GNA14: variants seen among roughly 807,000 people sequenced by gnomAD.
GNA14 encodes the protein guanine nucleotide-binding protein subunit alpha-14.
In GNA14, 50 loss-of-function variants were observed where a neutral mutation model predicts 42.0. The observed-to-expected ratio is 1.19, with a 90% CI of 0.95 to 1.51. GNA14 has a LOEUF of 1.51. Ranked by LOEUF, GNA14 falls within the 40% of genes most tolerant of loss-of-function variation. The probability of loss-of-function intolerance (pLI) is 0.00; values close to 1 mark genes in which losing one functional copy is unlikely to be tolerated. For synonymous variants in GNA14, 173 were observed against 163.1 expected (o/e 1.06, Z -0.46); for missense variants, 473 against 446.2 (o/e 1.06, Z -0.54).
chr9:77,607,617 A>G (rs1450282926), intron 1 of GNA14, among the ~76,000 whole-genome samples: 1 of 152,200 alleles, frequency 6.6e-6, no homozygotes, highest in Non-Finnish European at 1.5e-5. Context: ...TAAGTGCTGA[A>G]TGTCTTTTCA....
At chr9:77,482,689 C>T (rs542109338) in intron 2 of GNA14, among the ~76,000 whole-genome samples, 5 of 152,216 alleles carry the variant, frequency 3.3e-5, no homozygotes, top group Non-Finnish European at 7.3e-5. Context: ...CTTTCAGGTA[C>T]ACCAATCAGA....
At chr9:77,604,237 A>G (rs1823615125) in intron 1 of GNA14, among the ~76,000 whole-genome samples, 1 of 152,104 alleles carries the variant, frequency 6.6e-6, no homozygotes, top group East Asian at 1.9e-4. Context: ...TACACCCAAA[A>G]CCACAGCCAA....
At chr9:77,611,788 C>A (rs1170387240) in intron 1 of GNA14, among the ~76,000 whole-genome samples, 3 of 152,076 alleles carry the variant, frequency 2.0e-5, no homozygotes, top group South Asian at 2.1e-4. Flanking sequence ...CCCACCATAC[C>A]CTGATGCTGA....
At chr9:77,583,912 A>C (rs991620791) in intron 1 of GNA14, among the ~76,000 whole-genome samples, 3 of 152,148 alleles carry the variant, frequency 2.0e-5, no homozygotes, top group African/African-American at 7.2e-5. Context: ...AAAAGATGTC[A>C]CCCAAGGGAC....
chr9:77,475,914 C>G (rs936471450), intron 2 of GNA14, among the ~76,000 whole-genome samples: 2 of 152,114 alleles, frequency 1.3e-5, no homozygotes, highest in South Asian at 4.1e-4. Flanking sequence ...GCATGGTGGG[C>G]ATATCCCCTT....
chr9:77,571,566 C>G (rs1422736780), intron 1 of GNA14, among the ~76,000 whole-genome samples: 1 of 151,902 alleles, frequency 6.6e-6, no homozygotes, highest in East Asian at 1.9e-4. Flanking sequence ...TTTGGGAAGC[C>G]GAGGCGGGCA....
chr9:77,555,053 T>C (rs1822750120), intron 1 of GNA14, among the ~76,000 whole-genome samples: 2 of 152,138 alleles, frequency 1.3e-5, no homozygotes, highest in Admixed American at 1.3e-4. Flanking sequence ...AATGAAAATA[T>C]GCACATTTTA....
In GNA14 at chr9:77,423,637, G is replaced by C. The variant is rs1464319667; in HGVS notation, c.*342C>G. 2 of 157,936 alleles carry C rather than the reference G, an allele frequency of 1.3e-5. No individual in the cohort carries two copies. Among genetic ancestry groups the C allele is most frequent in the East Asian group, 3.6e-4 (2 of 5,532 alleles). The allele number at this position is 157,936 out of a possible 1,614,324, so 9.8% of individuals were successfully genotyped here. ...TGATCTATAAACTAACAGGCTCCTTGCTTACATAATTTTAATCGCTATTTT... is the reference window on the plus strand; with the variant it reads ...TGATCTATAAACTAACAGGCTCCTTCCTTACATAATTTTAATCGCTATTTT... On this transcript the variant is annotated 3_prime_UTR_variant, in exon 7 of 7. Transcript: ENST00000341700.
chr9:77,524,435 AAGAAAC>A (rs904478647), intron 2 of GNA14, among the ~76,000 whole-genome samples: 12 of 152,208 alleles, frequency 7.9e-5, no homozygotes, highest in African/African-American at 2.9e-4. Flanking sequence ...CCAGCTCTGA[AAGAAAC>A]AGAAACAAAC....
At chr9:77,621,212 G>A (rs1341437527) in intron 1 of GNA14, among the ~76,000 whole-genome samples, 1 of 152,146 alleles carries the variant, frequency 6.6e-6, no homozygotes, top group African/African-American at 2.4e-5. Context: ...GTGATTACAG[G>A]TGCGAGTCAC....
chr9:77,608,732 G>GTTTTTTTTTTTTTTT (rs111701182), intron 1 of GNA14, among the ~76,000 whole-genome samples: 1 of 121,164 alleles, frequency 8.3e-6, no homozygotes, highest in Admixed American at 8.6e-5. Flanking sequence ...CCAATATCCT[G>GTTTTTTTTTTTTTTT]TTTTTTTTTT....
intron 1 of GNA14, among the ~76,000 whole-genome samples, chr9:77,544,659 G>C (rs369108389): frequency 8.2e-5 from 11 of 134,590 alleles, no homozygotes; most frequent in Admixed American, 2.4e-4. Context: ...CCAAGATCAC[G>C]TCACTGCATC....
At chr9:77,556,287 A>G (rs996123639) in intron 1 of GNA14, among the ~76,000 whole-genome samples, 7 of 152,168 alleles carry the variant, frequency 4.6e-5, no homozygotes, top group South Asian at 2.1e-4. Flanking sequence ...TCACAGTTGC[A>G]TATCTACAAA....
At chr9:77,514,579 G>C (rs960182661) in intron 2 of GNA14, among the ~76,000 whole-genome samples, 2 of 151,482 alleles carry the variant, frequency 1.3e-5, no homozygotes, top group Non-Finnish European at 2.9e-5. Context: ...GAAAAAGAAG[G>C]TGTCAAAGAA....
At chr9:77,598,335 T>A (rs1383347613) in intron 1 of GNA14, among the ~76,000 whole-genome samples, 1 of 152,106 alleles carries the variant, frequency 6.6e-6, no homozygotes, top group Non-Finnish European at 1.5e-5. Context: ...CAAATAGAAA[T>A]CCAATTTATC....
intron 2 of GNA14, among the ~76,000 whole-genome samples, chr9:77,491,257 C>T (rs755524438): frequency 2.0e-5 from 3 of 152,168 alleles, no homozygotes; most frequent in African/African-American, 4.8e-5. Flanking sequence ...AAAAAGGAAA[C>T]ATTTGAAGGT....
intron 1 of GNA14, among the ~76,000 whole-genome samples, chr9:77,640,871 C>CAAAAA (rs1178043976): frequency 8.8e-4 from 24 of 27,358 alleles, no homozygotes; most frequent in African/African-American, 2.4e-3. Flanking sequence ...ATAAAATGCT[C>CAAAAA]AAAAAAAAAA....
intron 1 of GNA14, among the ~76,000 whole-genome samples, chr9:77,567,880 C>G (rs748879511): frequency 6.6e-6 from 1 of 151,854 alleles, no homozygotes; most frequent in Non-Finnish European, 1.5e-5. Context: ...AACAAAAAAA[C>G]AAGTATTCCA....
chr9:77,611,479 C>A (rs1360590888), intron 1 of GNA14, among the ~76,000 whole-genome samples: 1 of 152,172 alleles, frequency 6.6e-6, no homozygotes, highest in Non-Finnish European at 1.5e-5. Flanking sequence ...TCTTCCAAGA[C>A]TGTTTGCTAT....
Sources: gnomAD v4.1 joint callset for allele counts (sites outside exome capture counted in the v4.1 genomes callset) on GRCh38, gnomAD v4.1.1 for gene constraint, MANE v1.5 for transcripts, NCBI Gene and HGNC (gene_info 2026-07-23, HGNC 2026-07-21) for gene names.